The following NEK1 variants were observed in gnomAD, a reference collection of about 807,000 sequenced individuals.
NEK1 encodes NIMA related kinase 1, also known as serine/threonine-protein kinase Nek1.
NEK1 carries 137 observed loss-of-function variants against 182.1 expected under a neutral mutation model. That is an observed-to-expected ratio of 0.75 (90% CI 0.65 to 0.87). NEK1 has a LOEUF of 0.87. Ranked by LOEUF, NEK1 falls within the 40% of genes least tolerant of loss-of-function variation. The pLI, the probability that NEK1 is intolerant of heterozygous loss-of-function variation, is 0.00. For missense variants in NEK1, 1,391 were observed against 1,494.4 expected (o/e 0.93, Z 1.14); for synonymous variants, 513 against 492.2 (o/e 1.04, Z -0.56).
chr4:169,408,199 C>G (rs745760441), intron 31 of NEK1, among the ~76,000 whole-genome samples: 3 of 152,146 alleles, frequency 2.0e-5, no homozygotes, highest in Non-Finnish European at 4.4e-5. Flanking sequence ...GAGATAAATT[C>G]TGGCCCTGGT....
chr4:169,494,465 T>C (rs1355005980), intron 23 of NEK1, among the ~76,000 whole-genome samples: 2 of 152,228 alleles, frequency 1.3e-5, no homozygotes, highest in African/African-American at 4.8e-5. Context: ...CCATGGTGTA[T>C]ATGTGCCACA....
intron 23 of NEK1, among the ~76,000 whole-genome samples, chr4:169,487,280 G>A (rs1014385670): frequency 1.3e-5 from 2 of 152,116 alleles, no homozygotes; most frequent in Non-Finnish European, 2.9e-5. Flanking sequence ...ATTAAGGCCA[G>A]CATCCGTTAG....
At chr4:169,581,867 A>G (rs1250467435) in intron 10 of NEK1, among the ~76,000 whole-genome samples, 1 of 152,180 alleles carries the variant, frequency 6.6e-6, no homozygotes, top group Non-Finnish European at 1.5e-5. Flanking sequence ...TGTAGCTCAT[A>G]ATTATAAATT....
chr4:169,499,194 G>A (rs1751953931), intron 23 of NEK1, among the ~76,000 whole-genome samples: 1 of 152,068 alleles, frequency 6.6e-6, no homozygotes, highest in South Asian at 2.1e-4. Context: ...TTGACAAATT[G>A]GCTACTGAGG....
intron 35 of NEK1, 87 bp from the exon 36 acceptor site, chr4:169,394,610 G>A (rs1730392310): frequency 1.3e-6 from 1 of 744,306 alleles, no homozygotes; most frequent in Non-Finnish European, 2.2e-6. Context: ...TGCTAAAGGA[G>A]AAGAGCTTTA....
rs995711809 is a variant in NEK1, at chr4:169,438,244, C to T, written c.2603G>A (p.Gly868Glu). The part of the protein sequence containing the change: ...TTIRSEISPE[G>E]EKYKPLITGE... ...AGTAATTAAGGGTTTGTACTTTTCC[C>T]CTTCGGGAGAAATCTCTGTGAAAAC... is the stretch of plus-strand genomic sequence containing the variant. The change falls in exon 28 of 36, where the codon GGG becomes GAG. Residue 868 changes from glycine to glutamate, a missense_variant. Around this residue, in one of 5 missense-constraint regions of NEK1, gnomAD observed 1,216 missense variants for 1,277.6 expected, o/e 0.95. Transcript: ENST00000507142. 1 of 1,537,902 alleles carries T rather than the reference C, an allele frequency of 6.5e-7. No homozygotes were observed. Among genetic ancestry groups the T allele is most frequent in the Non-Finnish European group, 8.8e-7 (1 of 1,140,422 alleles).
At chr4:169,426,503 G>A (rs984919842) in intron 29 of NEK1, among the ~76,000 whole-genome samples, 9 of 152,092 alleles carry the variant, frequency 5.9e-5, no homozygotes, top group East Asian at 1.9e-4. Context: ...CCCAAACAAC[G>A]GCATAGTAAA....
intron 27 of NEK1, among the ~76,000 whole-genome samples, chr4:169,438,665 GA>G (rs940113809): frequency 5.3e-5 from 8 of 150,712 alleles, no homozygotes; most frequent in South Asian, 2.1e-4. Flanking sequence ...AGAATAAAAA[GA>G]AAAAAAAACT....
Position 169,449,588 on chromosome 4 carries a change from A to C in NEK1, c.2588-11329T>G, listed in dbSNP as rs1741308358. Reference sequence around the variant, plus strand: ...ACTCTAACAGATCTGCAGCTGAGGGACCTGACTATTAAAGGAAAACTAACA... The same window carrying C: ...ACTCTAACAGATCTGCAGCTGAGGGCCCTGACTATTAAAGGAAAACTAACA... On this transcript the variant is annotated intron_variant, in intron 27 of 35. Coordinates refer to ENST00000507142, the MANE Select transcript of NEK1 (RefSeq NM_001199397.3). Among the ~76,000 whole-genome samples, 3 of 152,198 alleles carry C rather than the reference A, an allele frequency of 2.0e-5. No individual in the cohort carries two copies. In the South Asian group the frequency reaches 6.2e-4, roughly 31 times the overall value.
At chr4:169,450,255 C>G (rs913872187) in intron 27 of NEK1, among the ~76,000 whole-genome samples, 1 of 152,072 alleles carries the variant, frequency 6.6e-6, no homozygotes, top group Non-Finnish European at 1.5e-5. Context: ...AAAACACTCT[C>G]CAGGATATTA....
At chr4:169,450,143 G>A (rs536501682) in intron 27 of NEK1, among the ~76,000 whole-genome samples, 1 of 152,250 alleles carries the variant, frequency 6.6e-6, no homozygotes, top group South Asian at 2.1e-4. Context: ...AGAGTAAAAA[G>A]AAACGAACAA....
chr4:169,443,105 C>CTA (rs1739835557), intron 27 of NEK1, among the ~76,000 whole-genome samples: 4 of 92,320 alleles, frequency 4.3e-5, no homozygotes, highest in Non-Finnish European at 6.8e-5. Context: ...CTATCTATCT[C>CTA]ATAATTTGAG....
intron 5 of NEK1, among the ~76,000 whole-genome samples, chr4:169,593,906 G>A (rs953387428): frequency 6.6e-6 from 1 of 151,472 alleles, no homozygotes. Context: ...GGAGAATGGC[G>A]TGAACCCGGG....
chr4:169,404,503 A>G (rs943539014), intron 32 of NEK1, among the ~76,000 whole-genome samples: 4 of 152,212 alleles, frequency 2.6e-5, no homozygotes, highest in Non-Finnish European at 4.4e-5. Context: ...TGAGAGTGAT[A>G]TAATACTTTC....
At chr4:169,468,245 T>C (rs952105969) in intron 26 of NEK1, among the ~76,000 whole-genome samples, 3 of 152,076 alleles carry the variant, frequency 2.0e-5, no homozygotes, top group Admixed American at 1.3e-4. Context: ...GATTAGAGTC[T>C]GTTTATATGA....
chr4:169,435,059 C>G (rs1738143968), intron 28 of NEK1, among the ~76,000 whole-genome samples: 2 of 152,142 alleles, frequency 1.3e-5, no homozygotes, highest in Admixed American at 1.3e-4. Context: ...GCATAAGATA[C>G]TGTTTTAGTT....
chr4:169,602,063 T>C lies in NEK1; in HGVS notation c.159A>G (p.Ala53=), dbSNP rs1770590670. 6.2e-7 allele frequency: 1 copy of C among 1,613,480 alleles called. No individual in the cohort carries two copies. Among genetic ancestry groups the C allele is most frequent in the Non-Finnish European group, 8.5e-7 (1 of 1,179,528 alleles). Residue 53 remains alanine, a synonymous_variant, in exon 4 of 36, where the codon GCA becomes GCG. Coordinates refer to ENST00000507142, the MANE Select transcript of NEK1 (RefSeq NM_001199397.3). ...KEREESRREV[A]VLANMKHPNI... is the part of the protein sequence containing the mutation. ...TTGGATGCTTCATGTTTGCCAATAC[T>C]GCAACTTCTCTCCTTGATTCTTCTC...
At chr4:169,405,004 C>T (rs568945072) in intron 32 of NEK1, among the ~76,000 whole-genome samples, 2 of 152,222 alleles carry the variant, frequency 1.3e-5, no homozygotes, top group South Asian at 2.1e-4. Context: ...CAAAACTGGT[C>T]GACCTGCTAA....
intron 5 of NEK1, among the ~76,000 whole-genome samples, chr4:169,597,421 C>T (rs1769696776): frequency 6.6e-6 from 1 of 151,712 alleles, no homozygotes; most frequent in African/African-American, 2.4e-5. Context: ...TGAGAACAGC[C>T]TGGGCAATAT....
Sources: gnomAD v4.1 joint callset for allele counts (sites outside exome capture counted in the v4.1 genomes callset) on GRCh38, gnomAD v4.1.1 for gene constraint, gnomAD v4.1.1 regional missense constraint, MANE v1.5 for transcripts, NCBI Gene and HGNC (gene_info 2026-07-23, HGNC 2026-07-21) for gene names.